Variants in HHAT observed in about 807,000 individuals in gnomAD.
The protein encoded by HHAT is protein-cysteine N-palmitoyltransferase HHAT.
Under a neutral mutation model 70.8 loss-of-function variants are expected in HHAT, and 47 were observed. The observed-to-expected ratio is 0.66, with a 90% CI of 0.53 to 0.85. HHAT has a LOEUF of 0.85. Among genes scored for constraint, HHAT ranks in the 40% least tolerant of loss-of-function variants. HHAT has a pLI of 0.00. For synonymous variants in HHAT, 228 were observed against 247.6 expected, an observed-to-expected ratio of 0.92 and a Z score of 0.74; for missense variants, 609 against 604.8, an observed-to-expected ratio of 1.01 and a Z score of -0.07.
At chr1:210,596,210 C>A (rs890249265) in intron 10 of HHAT, among the ~76,000 whole-genome samples, 1 of 152,128 alleles carries the variant, frequency 6.6e-6, no homozygotes, top group African/African-American at 2.4e-5. Flanking sequence ...TTCCCAGCAC[C>A]ATTTGTTAAA....
intron 11 of HHAT, among the ~76,000 whole-genome samples, chr1:210,653,616 G>A (rs1488395314): frequency 6.6e-6 from 1 of 152,160 alleles, no homozygotes; most frequent in African/African-American, 2.4e-5. Context: ...CAAGGAAATG[G>A]GAACAGGAGA....
chr1:210,484,716 A>G (rs1229878976), intron 8 of HHAT, among the ~76,000 whole-genome samples: 8 of 151,786 alleles, frequency 5.3e-5, no homozygotes, highest in East Asian at 3.9e-4. Flanking sequence ...CCTTCCCCCA[A>G]TTTGTTTCTA....
intron 11 of HHAT, among the ~76,000 whole-genome samples, chr1:210,669,145 A>C (rs2148979606): frequency 1.3e-5 from 2 of 152,310 alleles, no homozygotes; most frequent in South Asian, 4.1e-4. Context: ...CTTTTCAGAA[A>C]ACATACCCTT....
At chr1:210,541,518 G>A (rs374247713) in intron 9 of HHAT, among the ~76,000 whole-genome samples, 10 of 152,286 alleles carry the variant, frequency 6.6e-5, no homozygotes, top group East Asian at 5.8e-4. Context: ...CTTGAGGTCA[G>A]GAGTTTGAGA....
At chr1:210,464,842 T>A (rs1371291174) in intron 8 of HHAT, among the ~76,000 whole-genome samples, 187 bp downstream of exon 8, 2 of 152,206 alleles carry the variant, frequency 1.3e-5, no homozygotes, top group African/African-American at 4.8e-5. Context: ...ACAATTATGA[T>A]TAGTCTGTGT....
chr1:210,396,213 T>A (rs2091776537), intron 4 of HHAT, among the ~76,000 whole-genome samples: 1 of 152,180 alleles, frequency 6.6e-6, no homozygotes, highest in Non-Finnish European at 1.5e-5. Context: ...CGGCTTTCTG[T>A]TTCATCTCCT....
In HHAT at chr1:210,386,230, C is replaced by CTTTCTTTCTTTTTTTTTTT. The variant is rs1324452281; in HGVS notation, c.160-1235_160-1234insCTTTCTTTTTTTTTTTTTT. 1.0e-4 allele frequency among the ~76,000 whole-genome samples: 7 copies of CTTTCTTTCTTTTTTTTTTT among 69,926 alleles called. 1 individual carries two copies. In the South Asian group the frequency reaches 4.4e-3, roughly 44 times the overall value. The allele number at this position is 69,926 out of a possible 152,430, so 45.9% of individuals were successfully genotyped here. A position where few individuals can be genotyped will look rare whatever the true frequency, so the allele number is the denominator to read the frequency against. On this transcript the variant is annotated intron_variant, in intron 3 of 11. Coordinates refer to ENST00000261458, the MANE Select transcript of HHAT (RefSeq NM_018194.6). ...ATTGCAGGAGTCCTTTTCTTTTTTT[C>CTTTCTTTCTTTTTTTTTTT]TTTTTTTTTTTTTTTTTTTTTTTTT... is the stretch of plus-strand genomic sequence containing the variant.
At position 210,352,599 on chromosome 1, in the gene HHAT, G is replaced by A. The variant is rs75073562; in HGVS notation, c.91+3533G>A. Among the ~76,000 whole-genome samples the A allele has an allele frequency of 3.2e-3, 485 of 152,240 alleles. 5 individuals carry two copies. The highest frequency in any genetic ancestry group is 0.01 in the African/African-American group (436 of 41,538). On this transcript the variant is annotated intron_variant, in intron 2 of 11. Transcript: ENST00000261458. ...GCATCTGCGTGGCTACTCTCCTTGG[G>A]CACAGAGCAGGCATCTCATTCACTG...
chr1:210,400,391 A>C, intron 4 of HHAT, 77 bp from the exon 5 acceptor site: 1 of 1,301,040 alleles, frequency 7.7e-7, no homozygotes, highest in Non-Finnish European at 1.0e-6. Context: ...TATCACTTCC[A>C]TGAGCTCACT....
chr1:210,563,078 C>G (rs1175674690), intron 9 of HHAT, among the ~76,000 whole-genome samples: 1 of 152,038 alleles, frequency 6.6e-6, no homozygotes, highest in Non-Finnish European at 1.5e-5. Flanking sequence ...GGATTAGAAT[C>G]CAAGGGTGAA....
chr1:210,435,442 A>C (rs6669973), intron 7 of HHAT, among the ~76,000 whole-genome samples: 4,484 of 151,840 alleles, frequency 0.03, 348 homozygotes, highest in African/African-American at 0.1. Flanking sequence ...GGGAGTACAG[A>C]TATTGCTTTG....
At chr1:210,337,373 A>T (rs2085596730) in intron 1 of HHAT, among the ~76,000 whole-genome samples, 1 of 152,210 alleles carries the variant, frequency 6.6e-6, no homozygotes, top group South Asian at 2.1e-4. Flanking sequence ...ATGGCATATG[A>T]GTTTCCTATT....
intron 9 of HHAT, among the ~76,000 whole-genome samples, chr1:210,561,167 A>G (rs1017388816): frequency 6.6e-6 from 1 of 152,202 alleles, no homozygotes; most frequent in Non-Finnish European, 1.5e-5. Flanking sequence ...CTTGACCTTC[A>G]TCATGGCCTC....
intron 9 of HHAT, among the ~76,000 whole-genome samples, chr1:210,536,148 A>G (rs1338616560): frequency 1.3e-5 from 2 of 152,236 alleles, no homozygotes; most frequent in African/African-American, 2.4e-5. Flanking sequence ...GAGCTTTAGT[A>G]AGTACCTCAT....
chr1:210,635,636 C>G (rs1023432902), intron 11 of HHAT, among the ~76,000 whole-genome samples: 2 of 152,156 alleles, frequency 1.3e-5, no homozygotes, highest in Non-Finnish European at 2.9e-5. Context: ...TCTGTTAAGT[C>G]TTCATAATTT....
intron 7 of HHAT, among the ~76,000 whole-genome samples, chr1:210,429,007 C>T (rs576373467): frequency 1.7e-4 from 26 of 151,868 alleles, no homozygotes; most frequent in East Asian, 5.8e-4. Flanking sequence ...CACCTCGCTC[C>T]GGCAAAAGAC....
chr1:210,590,567 CAACAG>C (rs1275404120), intron 10 of HHAT: 1 of 16,544 alleles, frequency 6.0e-5, no homozygotes, highest in Non-Finnish European at 2.0e-4. Context: ...AAAAAAAAGG[CAACAG>C]AAGACCAGTG....
At chr1:210,435,542 T>G (rs2093355249) in intron 7 of HHAT, among the ~76,000 whole-genome samples, 1 of 151,750 alleles carries the variant, frequency 6.6e-6, no homozygotes, top group Non-Finnish European at 1.5e-5. Flanking sequence ...TGGGGGCAGT[T>G]TTTATACTGT....
intron 9 of HHAT, among the ~76,000 whole-genome samples, chr1:210,552,079 G>A (rs1025715471): frequency 1.3e-5 from 2 of 152,168 alleles, no homozygotes; most frequent in African/African-American, 4.8e-5. Flanking sequence ...ATTATTGATT[G>A]GCTTGAGGGT....
Sources: allele counts gnomAD v4.1 joint callset (sites outside exome capture counted in the v4.1 genomes callset), GRCh38; gene constraint gnomAD v4.1.1; transcripts MANE v1.5; gene names NCBI Gene and HGNC (gene_info 2026-07-23, HGNC 2026-07-21).